The following KIF26B variants were observed in gnomAD, a reference collection of about 807,000 sequenced individuals.
KIF26B encodes the protein kinesin-like protein KIF26B.
KIF26B carries 63 observed loss-of-function variants against 151.2 expected under a neutral mutation model. The observed-to-expected ratio is 0.42, with a 90% CI of 0.34 to 0.51. KIF26B has a LOEUF of 0.51. KIF26B is among the 20% of genes least tolerant of loss of function. KIF26B has a pLI of 0.07. For missense variants in KIF26B, 2,813 were observed against 2,913.6 expected (o/e 0.97, Z 0.79); for synonymous variants, 1,357 against 1,262.1 (o/e 1.08, Z -1.59).
chr1:245,551,653 G>A (rs1197793572), intron 5 of KIF26B, among the ~76,000 whole-genome samples: 4 of 152,176 alleles, frequency 2.6e-5, no homozygotes, highest in Non-Finnish European at 5.9e-5. Context: ...CTGCAGTCAC[G>A]CTCTGTTACA....
At chr1:245,484,644 A>C (rs1314658660) in intron 4 of KIF26B, among the ~76,000 whole-genome samples, 1 of 152,014 alleles carries the variant, frequency 6.6e-6, no homozygotes, top group Non-Finnish European at 1.5e-5. Flanking sequence ...CTTTGTTCCA[A>C]ATTGCAGATT....
intron 8 of KIF26B, among the ~76,000 whole-genome samples, chr1:245,611,220 C>T (rs1186258484): frequency 6.6e-6 from 1 of 152,190 alleles, no homozygotes; most frequent in Non-Finnish European, 1.5e-5. Flanking sequence ...GCCCTTTACA[C>T]TGGTTTCTTA....
In KIF26B at chr1:245,218,214, C is replaced by T. The variant is rs1420395855; in HGVS notation, c.465+61531C>T. ...AGCTTTCATGTCACCAGAGCAGTGACATTCGGGCCCTCGGGGGCAGACTGT... is the reference window on the plus strand; with the variant it reads ...AGCTTTCATGTCACCAGAGCAGTGATATTCGGGCCCTCGGGGGCAGACTGT... On this transcript the variant is annotated intron_variant, in intron 2 of 14. Transcript: ENST00000407071. This position sits in a 1 kb window ranked among gnomAD's most constrained non-coding sequence, Gnocchi z 4.1. 6.6e-6 allele frequency among the ~76,000 whole-genome samples: 1 copy of T among 152,306 alleles called. No individual in the cohort carries two copies. Among genetic ancestry groups the T allele is most frequent in the Non-Finnish European group, 1.5e-5 (1 of 68,020 alleles).
At chr1:245,255,881 G>A (rs977428782) in intron 2 of KIF26B, among the ~76,000 whole-genome samples, 2 of 152,094 alleles carry the variant, frequency 1.3e-5, no homozygotes, top group African/African-American at 4.8e-5. Flanking sequence ...TGTTAGACAT[G>A]GTTCTTCTTT....
intron 9 of KIF26B, among the ~76,000 whole-genome samples, chr1:245,621,659 T>G (rs1243938190): frequency 6.6e-6 from 1 of 152,252 alleles, no homozygotes; most frequent in African/African-American, 2.4e-5. Flanking sequence ...TACCTGCTAT[T>G]AATTATCACC....
At chr1:245,301,484 A>G (rs939821365) in intron 2 of KIF26B, among the ~76,000 whole-genome samples, 5 of 152,162 alleles carry the variant, frequency 3.3e-5, no homozygotes, top group Non-Finnish European at 4.4e-5. Flanking sequence ...CCGGCAGTGC[A>G]TGAAAGTGGC....
intron 2 of KIF26B, among the ~76,000 whole-genome samples, chr1:245,232,098 A>T (rs1046801667): frequency 2.6e-5 from 4 of 152,266 alleles, no homozygotes; most frequent in African/African-American, 9.6e-5. Flanking sequence ...GATTAATCGG[A>T]CGTATCCATC....
At chr1:245,174,954 A>G (rs1381459841) in intron 2 of KIF26B, among the ~76,000 whole-genome samples, 1 of 152,170 alleles carries the variant, frequency 6.6e-6, no homozygotes, top group East Asian at 1.9e-4. Context: ...CAGATGAAGT[A>G]CCACAGTCAT....
intron 2 of KIF26B, among the ~76,000 whole-genome samples, chr1:245,169,082 G>T (rs774082608): frequency 2.2e-4 from 34 of 152,204 alleles, no homozygotes; most frequent in Middle Eastern, 3.4e-3. Context: ...GGAGCAGAGT[G>T]GAGAACAGGC....
At chr1:245,230,513 C>T (rs562043392) in intron 2 of KIF26B, among the ~76,000 whole-genome samples, 35 of 152,136 alleles carry the variant, frequency 2.3e-4, no homozygotes, top group African/African-American at 6.7e-4. Flanking sequence ...GAGGCCGAGG[C>T]GGGTGGATCA....
At chr1:245,591,076 A>C (rs1196005193) in intron 5 of KIF26B, among the ~76,000 whole-genome samples, 1 of 152,194 alleles carries the variant, frequency 6.6e-6, no homozygotes, top group Non-Finnish European at 1.5e-5. Flanking sequence ...GGGCTCTTAC[A>C]ACACTGTCAT....
intron 3 of KIF26B, among the ~76,000 whole-genome samples, chr1:245,381,475 G>A (rs890536170): frequency 3.3e-5 from 5 of 152,226 alleles, no homozygotes; most frequent in East Asian, 3.9e-4. Flanking sequence ...AAAACATTGC[G>A]AGATTTTTTT....
At chr1:245,455,247 C>T (rs1148921) in intron 4 of KIF26B, among the ~76,000 whole-genome samples, 113,558 of 152,072 alleles carry the variant, frequency 0.75, 42,979 homozygotes, top group East Asian at 0.95. Context: ...GGCTCACGCC[C>T]GTAATCCGAG....
chr1:245,161,332 T>G (rs1404843845), intron 2 of KIF26B, among the ~76,000 whole-genome samples: 1 of 152,252 alleles, frequency 6.6e-6, no homozygotes, highest in African/African-American at 2.4e-5. Flanking sequence ...ACATGGTCAG[T>G]TTTTATAGTG....
At chr1:245,442,758 C>G (rs77293254) in intron 4 of KIF26B, among the ~76,000 whole-genome samples, 197 of 89,584 alleles carry the variant, frequency 2.2e-3, no homozygotes, top group Admixed American at 3.0e-3. Context: ...TGTTCACCTA[C>G]AGCGGTCATC....
chr1:245,689,332 T>A (rs1270541429), intron 12 of KIF26B, among the ~76,000 whole-genome samples: 1 of 152,164 alleles, frequency 6.6e-6, no homozygotes, highest in Non-Finnish European at 1.5e-5. Flanking sequence ...CAGAAGCCCC[T>A]CCTGTGAGGT....
intron 4 of KIF26B, among the ~76,000 whole-genome samples, chr1:245,429,774 T>C (rs974324722): frequency 6.6e-6 from 1 of 152,062 alleles, no homozygotes. Context: ...CCACCACACC[T>C]GGCTAATTTT....
intron 4 of KIF26B, among the ~76,000 whole-genome samples, chr1:245,465,080 G>A (rs1474744864): frequency 4.7e-5 from 7 of 148,434 alleles, no homozygotes; most frequent in East Asian, 4.0e-4. Flanking sequence ...CCGGGTTCAC[G>A]CCATTCTCCT....
chr1:245,397,519 A>G (rs2103025455), intron 3 of KIF26B, among the ~76,000 whole-genome samples: 1 of 152,260 alleles, frequency 6.6e-6, no homozygotes, highest in Non-Finnish European at 1.5e-5. Context: ...CCTGGCCCAC[A>G]TGTTCATTTC....
Sources: gnomAD v4.1 joint callset for allele counts (sites outside exome capture counted in the v4.1 genomes callset) on GRCh38, gnomAD v4.1.1 for gene constraint, Gnocchi (gnomAD v3.1) non-coding constraint, MANE v1.5 for transcripts, NCBI Gene and HGNC (gene_info 2026-07-23, HGNC 2026-07-21) for gene names.